Variants in DENND1B observed in about 807,000 individuals in gnomAD.
The protein encoded by DENND1B is DENN domain-containing protein 1B.
DENND1B carries 59 observed loss-of-function variants against 90.1 expected under a neutral mutation model. The ratio of observed to expected loss-of-function variants is 0.65; its 90% CI spans 0.53 to 0.81. DENND1B has a LOEUF of 0.81. DENND1B is among the 40% of genes least tolerant of loss of function. The probability of loss-of-function intolerance (pLI) is 0.00; values close to 1 mark genes in which losing one functional copy is unlikely to be tolerated. For missense variants in DENND1B, 862 were observed against 912.6 expected (o/e 0.94, Z 0.71); for synonymous variants, 337 against 324.6 (o/e 1.04, Z -0.41).
At chr1:197,558,809 G>A (rs1212647304) in intron 15 of DENND1B, among the ~76,000 whole-genome samples, 1 of 151,820 alleles carries the variant, frequency 6.6e-6, no homozygotes, top group Non-Finnish European at 1.5e-5. Context: ...ACGACACTGA[G>A]TCAATTTAAA....
intron 2 of DENND1B, among the ~76,000 whole-genome samples, chr1:197,766,649 A>T (rs1655737697): frequency 6.6e-6 from 1 of 152,164 alleles, no homozygotes; most frequent in Admixed American, 6.5e-5. Flanking sequence ...TCCAAGACAT[A>T]TATGGACTTC....
At chr1:197,579,520 A>G (rs1571952121) in intron 15 of DENND1B, among the ~76,000 whole-genome samples, 1 of 151,096 alleles carries the variant, frequency 6.6e-6, no homozygotes, top group East Asian at 1.9e-4. Flanking sequence ...TTTCTTCTTT[A>G]TTCAGTTTGG....
chr1:197,601,571 A>G lies in DENND1B; in HGVS notation c.921+5502T>C, dbSNP rs576167103. Among the ~76,000 whole-genome samples the G allele has an allele frequency of 6.6e-5, 10 of 151,856 alleles. No individual in the cohort carries two copies. In the East Asian group the frequency reaches 1.9e-3, roughly 30 times the overall value. On this transcript the variant is annotated intron_variant, in intron 13 of 22. Coordinates refer to ENST00000620048, the MANE Select transcript of DENND1B (RefSeq NM_001195215.2). ...TAACAAGAGAAAGAAGCATGGGAGG[A>G]AGACATTAAAAGAAAGGCTAGGTAA...
Position 197,510,735 on chromosome 1 carries a change from C to G in DENND1B, c.2053G>C (p.Asp685His). The change falls in exon 23 of 23, where the codon GAT becomes CAT. Residue 685 changes from aspartate (D) to histidine (H), a missense_variant. Asp to His is a moderately conservative substitution (Grantham distance 81). Coordinates refer to ENST00000620048, the MANE Select transcript of DENND1B (RefSeq NM_001195215.2). ...DNVSDPTSGL[D>H]FQLTSPEVSQ... ...ACTTCAGGGGAAGTGAGTTGGAAAT[C>G]CAGTCCTGAAGTAGGGTCACTCACA... 1 of 1,612,698 alleles carries G rather than the reference C, an allele frequency of 6.2e-7. No homozygotes were observed. The highest frequency in any genetic ancestry group is 8.5e-7 in the Non-Finnish European group (1 of 1,179,172).
At chr1:197,658,212 A>C (rs1432615468) in intron 6 of DENND1B, 88 bp downstream of exon 6, 2 of 1,086,306 alleles carry the variant, frequency 1.8e-6, no homozygotes, top group Non-Finnish European at 2.8e-6. Flanking sequence ...TAATGTCACA[A>C]AACTATACAC....
At chr1:197,718,508 T>C (rs963471459) in intron 2 of DENND1B, among the ~76,000 whole-genome samples, 2 of 151,838 alleles carry the variant, frequency 1.3e-5, no homozygotes. Flanking sequence ...CACATAATGG[T>C]GAACTAAACA....
intron 20 of DENND1B, among the ~76,000 whole-genome samples, chr1:197,534,664 A>G (rs1669749327): frequency 6.6e-6 from 1 of 152,208 alleles, no homozygotes; most frequent in Admixed American, 6.5e-5. Flanking sequence ...TAATTTTAAT[A>G]CAGTTTAATC....
In DENND1B at chr1:197,595,424, T is replaced by C. The variant is rs1057310298; in HGVS notation, c.922-91A>G. On this transcript the variant is annotated intron_variant, in intron 13 of 22. Coordinates refer to ENST00000620048, the MANE Select transcript of DENND1B (RefSeq NM_001195215.2). ...ATCAGCAGGCAAACCACAGTGTCTG[T>C]AGGTCAGCCAAAAATTCATCCTCCT... The C allele has an allele frequency of 2.4e-4, 357 of 1,479,084 alleles. No homozygotes were observed. In the Middle Eastern group the frequency reaches 2.5e-3, roughly 11 times the overall value. The allele number at this position is 1,479,084 out of a possible 1,614,324, so 91.6% of individuals were successfully genotyped here. A position where few individuals can be genotyped will look rare whatever the true frequency, so the allele number is the denominator to read the frequency against.
At chr1:197,745,224 C>T (rs1240369625) in intron 2 of DENND1B, among the ~76,000 whole-genome samples, 1 of 152,198 alleles carries the variant, frequency 6.6e-6, no homozygotes, top group Non-Finnish European at 1.5e-5. Context: ...CCTTTGCATT[C>T]ACAACCTGAC....
At chr1:197,658,028 T>C (rs760864415) in intron 6 of DENND1B, among the ~76,000 whole-genome samples, 6 of 152,182 alleles carry the variant, frequency 3.9e-5, no homozygotes, top group African/African-American at 1.4e-4. Context: ...AGTCCACTTA[T>C]ATGAGATACA....
chr1:197,635,327 C>T (rs1405552446), intron 10 of DENND1B, among the ~76,000 whole-genome samples: 1 of 151,858 alleles, frequency 6.6e-6, no homozygotes, highest in Non-Finnish European at 1.5e-5. Context: ...ACACACAACC[C>T]ATGGTTTTAT....
intron 2 of DENND1B, chr1:197,761,791 C>T (rs1465969859): frequency 1.3e-5 from 2 of 151,550 alleles, no homozygotes; most frequent in Non-Finnish European, 2.9e-5. Flanking sequence ...TTGTTGTGTG[C>T]TTTTCTTCAG....
intron 10 of DENND1B, among the ~76,000 whole-genome samples, chr1:197,619,494 C>A (rs1298763274): frequency 6.6e-6 from 1 of 151,144 alleles, no homozygotes; most frequent in Non-Finnish European, 1.5e-5. Context: ...ACACAGATGA[C>A]TTTTTAAACA....
chr1:197,541,353 TACA>T (rs1558217839), intron 18 of DENND1B, among the ~76,000 whole-genome samples: 20 of 152,288 alleles, frequency 1.3e-4, no homozygotes, highest in African/African-American at 4.8e-4. Flanking sequence ...ACAGAGAAAG[TACA>T]TCCCCGCAGC....
chr1:197,530,965 T>C (rs1202604554), intron 20 of DENND1B, among the ~76,000 whole-genome samples: 3 of 152,154 alleles, frequency 2.0e-5, no homozygotes, highest in Non-Finnish European at 2.9e-5. Flanking sequence ...AATCACTCCA[T>C]CCAACATAAA....
intron 2 of DENND1B, among the ~76,000 whole-genome samples, chr1:197,737,756 G>C (rs1256617237): frequency 5.3e-5 from 8 of 151,560 alleles, no homozygotes; most frequent in African/African-American, 1.7e-4. Flanking sequence ...AAAAATTGGT[G>C]AATTTAAAAA....
intron 2 of DENND1B, among the ~76,000 whole-genome samples, chr1:197,745,642 T>A (rs1470488487): frequency 7.2e-6 from 1 of 139,842 alleles, no homozygotes; most frequent in African/African-American, 2.7e-5. Flanking sequence ...ATATATATAA[T>A]ATATATAATA....
intron 13 of DENND1B, among the ~76,000 whole-genome samples, chr1:197,601,539 T>C (rs1676213074): frequency 6.7e-6 from 1 of 150,340 alleles, no homozygotes; most frequent in African/African-American, 2.4e-5. Context: ...AAAAAAAATA[T>C]CTGCAGTAAC....
intron 14 of DENND1B, among the ~76,000 whole-genome samples, chr1:197,586,631 T>C (rs16841765): frequency 0.018 from 2,750 of 152,292 alleles, 38 homozygotes; most frequent in Middle Eastern, 0.034. Context: ...TAAGGAGAAG[T>C]TGATAAAATC....
Sources: gnomAD v4.1 joint callset for allele counts (sites outside exome capture counted in the v4.1 genomes callset) on GRCh38, gnomAD v4.1.1 for gene constraint, MANE v1.5 for transcripts, NCBI Gene and HGNC (gene_info 2026-07-23, HGNC 2026-07-21) for gene names.